Variants in NEURL1 observed in about 807,000 individuals in gnomAD.
NEURL1 encodes the protein E3 ubiquitin-protein ligase NEURL1.
NEURL1 carries 26 observed loss-of-function variants against 41.2 expected under a neutral mutation model. That is an observed-to-expected ratio of 0.63 (90% CI 0.46 to 0.87). NEURL1 has a LOEUF of 0.87. Among genes scored for constraint, NEURL1 ranks in the 40% least tolerant of loss-of-function variants. NEURL1 has a pLI of 0.00. For synonymous variants in NEURL1, 400 were observed against 402.3 expected, an observed-to-expected ratio of 0.99 and a Z score of 0.07; for missense variants, 761 against 871.1, an observed-to-expected ratio of 0.87 and a Z score of 1.59.
chr10:103,537,707 A>G (rs944789349), intron 1 of NEURL1, among the ~76,000 whole-genome samples: 1 of 152,122 alleles, frequency 6.6e-6, no homozygotes, highest in Non-Finnish European at 1.5e-5. Context: ...GCTTACATTT[A>G]ATAGGTTTTA....
In NEURL1 at chr10:103,494,392, G is replaced by A; in HGVS notation, c.5G>A (p.Gly2Asp). M[G>D]NNFSSIPSLP... ...AACCTCCTGGGGCCGGATGCCATGG[G>A]TAACAACTTCTCCAGTATCCCCTCG... Residue 2 changes from glycine (G) to aspartate (D), a missense_variant, in exon 1 of 6, where the codon GGT (glycine) becomes GAT (aspartate). This residue lies in a region of NEURL1 where 94 missense variants were observed against 96.6 expected (regional missense o/e 0.97). Coordinates refer to ENST00000369780, the MANE Select transcript of NEURL1 (RefSeq NM_004210.5). The A allele has an allele frequency of 6.3e-7, 1 of 1,590,846 alleles. No individual in the cohort carries two copies. Among genetic ancestry groups the A allele is most frequent in the Non-Finnish European group, 8.6e-7 (1 of 1,168,976 alleles).
At position 103,589,622 on chromosome 10, in the gene NEURL1, G is replaced by C; in HGVS notation, c.1448G>C (p.Ser483Thr). The change falls in exon 5 of 6, where the codon AGC becomes ACC. Residue 483 changes from serine to threonine, a missense_variant. This residue lies in a region of NEURL1 where 443 missense variants were observed against 408.1 expected (regional missense o/e 1.09). Transcript: ENST00000369780. ...AGCCGCCTGTCTGACCCCTTGCTCA[G>C]CACGTGCAGCTCTGGCCCTCTGGGT... ...LGSRLSDPLLSTCSSGPLGSS... is the reference protein window; with the variant it reads ...LGSRLSDPLLTTCSSGPLGSS... 2 of 1,613,732 alleles carry C rather than the reference G, an allele frequency of 1.2e-6. No homozygotes were observed. The highest frequency in any genetic ancestry group is 1.1e-5 in the South Asian group (1 of 90,958).
chr10:103,585,514 A>G (rs569507574), intron 4 of NEURL1, among the ~76,000 whole-genome samples: 2 of 152,200 alleles, frequency 1.3e-5, no homozygotes, highest in African/African-American at 2.4e-5. Flanking sequence ...ACAGTCCAGA[A>G]GCACACAACC....
chr10:103,520,963 G>A (rs1218309895), intron 1 of NEURL1, among the ~76,000 whole-genome samples: 1 of 152,156 alleles, frequency 6.6e-6, no homozygotes, highest in Admixed American at 6.5e-5. Context: ...GAAAAAAACA[G>A]GTATTAAAGG....
chr10:103,525,956 G>T (rs1208121112), intron 1 of NEURL1, among the ~76,000 whole-genome samples: 1 of 152,132 alleles, frequency 6.6e-6, no homozygotes, highest in Non-Finnish European at 1.5e-5. Flanking sequence ...TTATCATGAA[G>T]GGATGTTGAA....
chr10:103,572,903 G>GT (rs1344329903), intron 3 of NEURL1, among the ~76,000 whole-genome samples: 1 of 151,850 alleles, frequency 6.6e-6, no homozygotes, highest in Non-Finnish European at 1.5e-5. Flanking sequence ...CGGGTACCAA[G>GT]TATATGCTCA....
intron 1 of NEURL1, among the ~76,000 whole-genome samples, chr10:103,496,130 C>T (rs1431937347): frequency 6.6e-6 from 1 of 150,444 alleles, no homozygotes; most frequent in Non-Finnish European, 1.5e-5. Context: ...AAAAAAAAAT[C>T]AGTTTGTTGA....
In NEURL1 at chr10:103,590,291, C is replaced by T. The variant is rs770172719; in HGVS notation, c.1644C>T (p.Arg548=). The T allele has an allele frequency of 1.1e-5, 18 of 1,614,020 alleles. No individual in the cohort carries two copies. The highest frequency in any genetic ancestry group is 4.5e-5 in the East Asian group (2 of 44,890). The change falls in exon 6 of 6, where the codon CGC becomes CGT. Residue 548 remains arginine (R), a synonymous_variant. Coordinates refer to ENST00000369780, the MANE Select transcript of NEURL1 (RefSeq NM_004210.5). The part of the protein sequence containing the change: ...HMCLCYACGL[R]LKKALHACCP... ...GCCTCTGCTACGCCTGTGGCCTGCG[C>T]CTCAAGAAGGCTCTGCACGCCTGCT...
chr10:103,537,139 T>C (rs2034709774), intron 1 of NEURL1, among the ~76,000 whole-genome samples: 1 of 152,374 alleles, frequency 6.6e-6, no homozygotes, highest in African/African-American at 2.4e-5. Flanking sequence ...TGTATGTATG[T>C]GCCACATTTT....
At position 103,584,860 on chromosome 10, in the gene NEURL1, T is replaced by C; in HGVS notation, c.974T>C (p.Leu325Pro). The change falls in exon 4 of 6, where the codon CTC becomes CCC. Residue 325 changes from leucine to proline, a missense_variant. Transcript: ENST00000369780. ...RVEHGRDERA[L>P]VFTSRPVRVA... The stretch of plus-strand genomic sequence containing the variant: ...GAGCACGGGCGCGACGAGCGCGCGC[T>C]CGTCTTCACCAGCCGGCCCGTGCGC... The C allele has an allele frequency of 7.6e-7, 1 of 1,320,028 alleles. No homozygotes were observed. Among genetic ancestry groups the C allele is most frequent in the Non-Finnish European group, 9.7e-7 (1 of 1,034,228 alleles). The allele number at this position is 1,320,028 out of a possible 1,614,324, so 81.8% of individuals were successfully genotyped here.
chr10:103,581,104 G>A (rs1046604132), intron 3 of NEURL1, among the ~76,000 whole-genome samples: 3 of 152,196 alleles, frequency 2.0e-5, no homozygotes, highest in African/African-American at 7.2e-5. Flanking sequence ...TAGCTTCTGG[G>A]TGCTGGGGGT....
chr10:103,573,877 C>T (rs1162369552), intron 3 of NEURL1, among the ~76,000 whole-genome samples: 4 of 152,200 alleles, frequency 2.6e-5, no homozygotes, highest in South Asian at 2.1e-4. Flanking sequence ...CCTTCCTGGG[C>T]GGAATTCTTC....
At chr10:103,585,254 A>G in intron 4 of NEURL1, 29 bp downstream of exon 4, 2 of 1,464,696 alleles carry the variant, frequency 1.4e-6, no homozygotes, top group Non-Finnish European at 1.8e-6. Context: ...GCCTGGGCGT[A>G]TGCCTTTCCT....
At chr10:103,519,930 T>G (rs560211562) in intron 1 of NEURL1, among the ~76,000 whole-genome samples, 43 of 152,014 alleles carry the variant, frequency 2.8e-4, no homozygotes, top group African/African-American at 9.9e-4. Flanking sequence ...ACTACAGGCA[T>G]GTACCAGCAT....
intron 1 of NEURL1, among the ~76,000 whole-genome samples, chr10:103,499,454 TTCCTTCCCTTCCTTCC>T (rs1163341751): frequency 8.6e-5 from 13 of 150,480 alleles, no homozygotes; most frequent in South Asian, 2.2e-4. Context: ...CCTTCCTTCT[TTCCTTCCCTTCCTTCC>T]TCCTTCCCTT....
intron 1 of NEURL1, among the ~76,000 whole-genome samples, chr10:103,557,469 C>A (rs563784612): frequency 2.2e-4 from 33 of 152,216 alleles, no homozygotes; most frequent in African/African-American, 7.2e-4. Flanking sequence ...GGCTAGGTGG[C>A]CATCAGTGAG....
At chr10:103,583,271 T>C (rs901853802) in intron 3 of NEURL1, among the ~76,000 whole-genome samples, 1 of 152,188 alleles carries the variant, frequency 6.6e-6, no homozygotes, top group Non-Finnish European at 1.5e-5. Context: ...ATGTAGTTCA[T>C]GAATGCCGAG....
At chr10:103,539,196 C>T (rs1002971099) in intron 1 of NEURL1, among the ~76,000 whole-genome samples, 2 of 152,134 alleles carry the variant, frequency 1.3e-5, no homozygotes, top group African/African-American at 4.8e-5. Flanking sequence ...GTCCTCTCAC[C>T]TTGGCCTCCC....
chr10:103,540,289 C>CT (rs3976809), intron 1 of NEURL1, among the ~76,000 whole-genome samples: 106 of 151,422 alleles, frequency 7.0e-4, no homozygotes, highest in African/African-American at 1.3e-3. Flanking sequence ...TATTTTCAGA[C>CT]TTTTTTTTTA....
Sources: gnomAD v4.1 joint callset for allele counts (sites outside exome capture counted in the v4.1 genomes callset) on GRCh38, gnomAD v4.1.1 for gene constraint, gnomAD v4.1.1 regional missense constraint, MANE v1.5 for transcripts, NCBI Gene and HGNC (gene_info 2026-07-23, HGNC 2026-07-21) for gene names.